The following SLC25A48 variants were observed in gnomAD, a reference collection of about 807,000 sequenced individuals.
SLC25A48 encodes CTC-321K16.1.
A neutral mutation model predicts 32.2 loss-of-function variants in SLC25A48; 29 were observed. That is an observed-to-expected ratio of 0.90 (90% CI 0.67 to 1.23). The LOEUF is 1.23. Among genes scored for constraint, SLC25A48 ranks in the 50% most tolerant of loss-of-function variants. The pLI is 0.00. For synonymous variants in SLC25A48, 164 were observed against 172.3 expected (o/e 0.95, Z 0.38); for missense variants, 399 against 422.7 (o/e 0.94, Z 0.49).
At chr5:135,714,655 C>G (rs1205239547) in intron 3 of SLC25A48, 1 of 152,256 alleles carries the variant, frequency 6.6e-6, no homozygotes, top group Non-Finnish European at 1.5e-5. Flanking sequence ...GTTAGTGCTA[C>G]TTAACACTGA....
chr5:135,724,988 A>G (rs944671783), intron 3 of SLC25A48, among the ~76,000 whole-genome samples: 1 of 152,256 alleles, frequency 6.6e-6, no homozygotes, highest in Non-Finnish European at 1.5e-5. Context: ...GCTTATCACA[A>G]GAGCTCCTGC....
chr5:135,646,264 G>GC (rs34221972), intron 3 of SLC25A48, among the ~76,000 whole-genome samples: 73,790 of 151,908 alleles, frequency 0.49, 18,199 homozygotes, highest in Middle Eastern at 0.53. Context: ...TCTCCGGCCG[G>GC]CTTGGCTCTG....
chr5:135,714,461 G>A (rs917196231), intron 3 of SLC25A48, among the ~76,000 whole-genome samples: 12 of 152,140 alleles, frequency 7.9e-5, no homozygotes, highest in African/African-American at 2.2e-4. Flanking sequence ...TCAGTGTGGC[G>A]CCCGCTGGAA....
intron 4 of SLC25A48, among the ~76,000 whole-genome samples, chr5:135,857,180 C>T (rs1198852913): frequency 1.3e-5 from 2 of 152,208 alleles, no homozygotes; most frequent in African/African-American, 4.8e-5. Context: ...ACTTTTTGTT[C>T]TATCCTCTGT....
chr5:135,807,930 G>GT lies in SLC25A48; in HGVS notation c.-520-4584dup, dbSNP rs886489217. Among the ~76,000 whole-genome samples, 41 of 148,916 alleles carry GT rather than the reference G, an allele frequency of 2.8e-4. 1 individual carries two copies. Among genetic ancestry groups the GT allele is most frequent in the Non-Finnish European group, 4.5e-4 (30 of 67,026 alleles). ...AACACTGTATATTATAAATATCTTA[G>GT]TTTTTTTTTAATATCATAGTGTGTT... On this transcript the variant is annotated intron_variant, in intron 3 of 10. Transcript: ENST00000646290.
chr5:135,664,340 C>T (rs1753472584), intron 3 of SLC25A48, among the ~76,000 whole-genome samples: 1 of 152,216 alleles, frequency 6.6e-6, no homozygotes, highest in South Asian at 2.1e-4. Flanking sequence ...ACCCTGGTGA[C>T]CTACCTCCAG....
intron 4 of SLC25A48, among the ~76,000 whole-genome samples, chr5:135,870,397 G>T (rs1049372332): frequency 6.6e-6 from 1 of 152,192 alleles, no homozygotes. Context: ...AGAAGGGTCC[G>T]TAGCAGAGAA....
chr5:135,746,582 T>C (rs992544753), intron 3 of SLC25A48, among the ~76,000 whole-genome samples: 3 of 152,192 alleles, frequency 2.0e-5, no homozygotes, highest in African/African-American at 7.2e-5. Flanking sequence ...CGCGTGAACC[T>C]TGGGCGGAGC....
intron 3 of SLC25A48, among the ~76,000 whole-genome samples, chr5:135,812,079 C>T (rs1409246656): frequency 1.3e-5 from 2 of 151,628 alleles, no homozygotes; most frequent in Non-Finnish European, 2.9e-5. Context: ...GAGACTCTGT[C>T]TCAAAAAAAA....
At chr5:135,879,775 C>A (rs1487881661) in intron 6 of SLC25A48, among the ~76,000 whole-genome samples, 193 bp from the exon 7 acceptor site, 3 of 152,168 alleles carry the variant, frequency 2.0e-5, no homozygotes, top group East Asian at 3.8e-4. Flanking sequence ...AAAAGCACCA[C>A]CAGGCATGAC....
intron 3 of SLC25A48, among the ~76,000 whole-genome samples, chr5:135,691,991 A>G (rs758091822): frequency 2.6e-5 from 4 of 152,122 alleles, no homozygotes; most frequent in Non-Finnish European, 5.9e-5. Flanking sequence ...GAGCTACGTG[A>G]GTTGTGTTCT....
intron 3 of SLC25A48, among the ~76,000 whole-genome samples, chr5:135,653,435 T>C (rs1206589921): frequency 6.6e-6 from 1 of 152,192 alleles, no homozygotes; most frequent in African/African-American, 2.4e-5. Context: ...GGCAGGGTAA[T>C]TGAGGACTCA....
chr5:135,732,819 G>C (rs922460959), intron 3 of SLC25A48, among the ~76,000 whole-genome samples: 1 of 152,112 alleles, frequency 6.6e-6, no homozygotes, highest in Non-Finnish European at 1.5e-5. Flanking sequence ...AGATGAGAAG[G>C]AGAAAAACTG....
chr5:135,701,231 C>T (rs1754389206), intron 3 of SLC25A48, among the ~76,000 whole-genome samples: 1 of 152,162 alleles, frequency 6.6e-6, no homozygotes, highest in African/African-American at 2.4e-5. Flanking sequence ...TGTGTACCAC[C>T]CTGCTCTCCC....
At chr5:135,738,246 T>C (rs1755422509) in intron 3 of SLC25A48, among the ~76,000 whole-genome samples, 1 of 152,106 alleles carries the variant, frequency 6.6e-6, no homozygotes, top group Non-Finnish European at 1.5e-5. Flanking sequence ...CCCAAGAGGC[T>C]GTTGACATGC....
chr5:135,723,380 T>TCTCACACACACACACACACACACA (rs1356362581), intron 3 of SLC25A48, among the ~76,000 whole-genome samples: 2 of 111,710 alleles, frequency 1.8e-5, no homozygotes, highest in Admixed American at 9.3e-5. Flanking sequence ...TCTCTCTCTC[T>TCTCACACACACACACACACACACA]CACACACACA....
chr5:135,759,829 CTTT>C (rs34301836), intron 3 of SLC25A48, among the ~76,000 whole-genome samples: 2,266 of 119,478 alleles, frequency 0.019, 35 homozygotes, highest in African/African-American at 0.047. Context: ...TATATATCAT[CTTT>C]TTTTTTTTTT....
intron 3 of SLC25A48, among the ~76,000 whole-genome samples, chr5:135,715,105 T>C (rs183876899): frequency 4.3e-4 from 65 of 152,314 alleles, no homozygotes; most frequent in Admixed American, 1.4e-3. Flanking sequence ...AAGAAGGCTA[T>C]TGCAGCAGGG....
chr5:135,852,632 G>A lies in SLC25A48; in HGVS notation c.232G>A (p.Gly78Arg). 1.2e-6 allele frequency: 2 copies of A among 1,613,602 alleles called. No homozygotes were observed. The highest frequency in any genetic ancestry group is 8.5e-7 in the Non-Finnish European group (1 of 1,179,572). Residue 78 changes from glycine (G) to arginine (R), a missense_variant, in exon 4 of 8, where the codon GGG (glycine) becomes AGG (arginine). Physicochemically the swap from Gly to Arg is moderately radical, Grantham distance 125. Coordinates refer to ENST00000681962, the MANE Select transcript of SLC25A48 (RefSeq NM_001349336.2). ...SIAVYNSVVF[G>R]VFSNTQRFLS... ...TGCCGTCTACAACTCCGTGGTGTTT[G>A]GGGTCTTCAGTAACACGCAGCGGTT...
Sources: gnomAD v4.1 joint callset for allele counts (sites outside exome capture counted in the v4.1 genomes callset) on GRCh38, gnomAD v4.1.1 for gene constraint, MANE v1.5 for transcripts, NCBI Gene and HGNC (gene_info 2026-07-23, HGNC 2026-07-21) for gene names.